The following GRIK2 variants were observed in gnomAD, a reference collection of about 807,000 sequenced individuals.
GRIK2 encodes glutamate ionotropic receptor kainate type subunit 2.
In GRIK2, 32 loss-of-function variants were observed where a neutral mutation model predicts 100.3. That is an observed-to-expected ratio of 0.32 (90% confidence interval 0.24 to 0.43). The LOEUF (loss-of-function observed/expected upper bound fraction) is 0.43, where lower values mean the gene tolerates loss of function less well. Among genes scored for constraint, GRIK2 ranks in the 20% least tolerant of loss-of-function variants. GRIK2 has a pLI of 1.00. For missense variants in GRIK2, 843 were observed against 1,114.9 expected, an observed-to-expected ratio of 0.76 and a Z score of 3.47; for synonymous variants, 417 against 389.4, an observed-to-expected ratio of 1.07 and a Z score of -0.83.
At chr6:101,617,347 T>C (rs1221199816) in intron 2 of GRIK2, among the ~76,000 whole-genome samples, 1 of 151,850 alleles carries the variant, frequency 6.6e-6, no homozygotes, top group African/African-American at 2.4e-5. Context: ...AATGAAATCA[T>C]GCAGCAGTAT....
intron 2 of GRIK2, among the ~76,000 whole-genome samples, chr6:101,598,583 C>A (rs1340919349): frequency 6.6e-5 from 8 of 121,758 alleles, no homozygotes; most frequent in East Asian, 2.4e-4. Flanking sequence ...CCAGGGCTCT[C>A]TTCCTTAATA....
chr6:101,518,450 T>C (rs1052002196), intron 2 of GRIK2, among the ~76,000 whole-genome samples: 1 of 152,150 alleles, frequency 6.6e-6, no homozygotes, highest in Non-Finnish European at 1.5e-5. Flanking sequence ...ACTGTGCTAG[T>C]TGTTACGCAG....
At chr6:101,882,798 T>C (rs968121678) in intron 11 of GRIK2, among the ~76,000 whole-genome samples, 3 of 152,120 alleles carry the variant, frequency 2.0e-5, no homozygotes, top group Non-Finnish European at 4.4e-5. Flanking sequence ...CAAGTTTAAT[T>C]TTTTTATATT....
intron 4 of GRIK2, among the ~76,000 whole-genome samples, chr6:101,656,552 C>A (rs903863525): frequency 2.0e-5 from 3 of 152,170 alleles, no homozygotes; most frequent in Non-Finnish European, 4.4e-5. Flanking sequence ...AATTTAGTAG[C>A]CATTGTCATT....
At chr6:101,943,052 A>G (rs1360041176) in intron 14 of GRIK2, among the ~76,000 whole-genome samples, 2 of 152,186 alleles carry the variant, frequency 1.3e-5, no homozygotes, top group Non-Finnish European at 2.9e-5. Flanking sequence ...CCAGGTCCAG[A>G]GCTCTGCAGC....
intron 2 of GRIK2, among the ~76,000 whole-genome samples, chr6:101,460,194 C>T: frequency 6.6e-6 from 1 of 152,230 alleles, no homozygotes; most frequent in Admixed American, 6.5e-5. Context: ...CTTGTGAAAA[C>T]TTTTCTGGCT....
chr6:101,448,439 C>T (rs775051018), intron 2 of GRIK2, among the ~76,000 whole-genome samples: 27 of 151,236 alleles, frequency 1.8e-4, no homozygotes, highest in Non-Finnish European at 3.4e-4. Context: ...AATTATTTTC[C>T]CAAATTTGAA....
At chr6:101,775,558 A>G (rs1282371303) in intron 7 of GRIK2, among the ~76,000 whole-genome samples, 3 of 149,102 alleles carry the variant, frequency 2.0e-5, no homozygotes, top group Non-Finnish European at 3.0e-5. Context: ...TGAGATATAT[A>G]TATACACACA....
intron 2 of GRIK2, among the ~76,000 whole-genome samples, chr6:101,400,774 C>T (rs1272714582): frequency 6.6e-6 from 1 of 152,166 alleles, no homozygotes; most frequent in African/African-American, 2.4e-5. Flanking sequence ...TCACCGACCA[C>T]ACATACACAT....
chr6:101,741,791 C>A (rs907836774), intron 7 of GRIK2, among the ~76,000 whole-genome samples: 2 of 152,164 alleles, frequency 1.3e-5, no homozygotes, highest in Non-Finnish European at 2.9e-5. Flanking sequence ...AATCTTTATG[C>A]TAAACCGTGA....
chr6:101,602,515 T>C (rs1430328096), intron 2 of GRIK2, among the ~76,000 whole-genome samples: 3 of 151,448 alleles, frequency 2.0e-5, no homozygotes, highest in Non-Finnish European at 3.0e-5. Context: ...TTTTAAAAAT[T>C]TGAATTATAC....
Position 102,019,087 on chromosome 6 carries a change from C to T in GRIK2, c.2086-16254C>T, listed in dbSNP as rs977068763. On this transcript the variant is annotated intron_variant, in intron 14 of 16. Coordinates refer to ENST00000369134, the MANE Select transcript of GRIK2 (RefSeq NM_021956.5). The stretch of plus-strand genomic sequence containing the variant: ...TATTTAAATAGATTTTTGTTAGTAG[C>T]ATTTGCTCTGGCAAATCAGTTGGTT... Among the ~76,000 whole-genome samples, 5 of 151,930 alleles carry T rather than the reference C, an allele frequency of 3.3e-5. 1 individual carries two copies. Among genetic ancestry groups the T allele is most frequent in the Non-Finnish European group, 7.4e-5 (5 of 67,944 alleles).
chr6:101,552,810 T>C (rs967762114), intron 2 of GRIK2, among the ~76,000 whole-genome samples: 4 of 152,206 alleles, frequency 2.6e-5, no homozygotes, highest in African/African-American at 9.6e-5. Context: ...AAAAAGTCTC[T>C]TCTGCCACCT....
intron 7 of GRIK2, among the ~76,000 whole-genome samples, chr6:101,716,480 A>G (rs1467060938): frequency 6.6e-6 from 1 of 150,988 alleles, no homozygotes; most frequent in Non-Finnish European, 1.5e-5. Context: ...AGAAAAGTAC[A>G]TGAGTTAAAC....
intron 10 of GRIK2, among the ~76,000 whole-genome samples, chr6:101,841,696 G>A (rs1783515575): frequency 6.6e-6 from 1 of 152,060 alleles, no homozygotes; most frequent in African/African-American, 2.4e-5. Context: ...AAAACTTGGG[G>A]CATAATTTCT....
At chr6:102,046,473 TA>T (rs2114474585) in intron 15 of GRIK2, among the ~76,000 whole-genome samples, 1 of 152,062 alleles carries the variant, frequency 6.6e-6, no homozygotes, top group Non-Finnish European at 1.5e-5. Flanking sequence ...ATCTGATGGT[TA>T]AAAAGTGTGA....
At chr6:101,594,184 T>C (rs2128307696) in intron 2 of GRIK2, among the ~76,000 whole-genome samples, 1 of 151,960 alleles carries the variant, frequency 6.6e-6, no homozygotes, top group South Asian at 2.1e-4. Context: ...ACTAAAATGT[T>C]ATACCAAGCA....
At chr6:101,883,656 T>C (rs1196332344) in intron 11 of GRIK2, among the ~76,000 whole-genome samples, 3 of 152,060 alleles carry the variant, frequency 2.0e-5, no homozygotes, top group African/African-American at 4.8e-5. Context: ...GGAAACCCCA[T>C]TGCGAAAGTG....
At chr6:101,450,069 T>A (rs2128248746) in intron 2 of GRIK2, among the ~76,000 whole-genome samples, 1 of 151,852 alleles carries the variant, frequency 6.6e-6, no homozygotes, top group African/African-American at 2.4e-5. Context: ...CTCCAAAATA[T>A]TACGGAGTCT....
Sources: allele counts gnomAD v4.1 joint callset (sites outside exome capture counted in the v4.1 genomes callset), GRCh38; gene constraint gnomAD v4.1.1; transcripts MANE v1.5; gene names NCBI Gene and HGNC (gene_info 2026-07-23, HGNC 2026-07-21).